SULT6B1: variants seen among roughly 807,000 people sequenced by gnomAD.
The protein encoded by SULT6B1 is sulfotransferase 6B1.
A neutral mutation model predicts 37.2 loss-of-function variants in SULT6B1; 44 were observed. That is an observed-to-expected ratio of 1.18 (90% confidence interval 0.93 to 1.52). The LOEUF is 1.52. SULT6B1 is among the 40% of genes most tolerant of loss of function. The pLI, the probability that SULT6B1 is intolerant of heterozygous loss-of-function variation, is 0.00. For missense variants in SULT6B1, 450 were observed against 361.0 expected, an observed-to-expected ratio of 1.25 and a Z score of -2.00; for synonymous variants, 140 against 126.0, an observed-to-expected ratio of 1.11 and a Z score of -0.74.
intron 4 of SULT6B1, among the ~76,000 whole-genome samples, chr2:37,176,102 T>C (rs114538449): frequency 0.024 from 3,620 of 152,258 alleles, 63 homozygotes; most frequent in Middle Eastern, 0.058. Flanking sequence ...CAGACACTGG[T>C]CAGCTGTGCT....
chr2:37,175,190 C>A lies in SULT6B1; in HGVS notation c.566G>T (p.Trp189Leu). The A allele has an allele frequency of 1.3e-6, 2 of 1,586,198 alleles. No individual in the cohort carries two copies. The highest frequency in any genetic ancestry group is 1.7e-5 in the Admixed American group (1 of 57,368). The stretch of plus-strand genomic sequence containing the variant: ...ATTGTCGCCATCAAGATGTTTGTTC[C>A]AATTGATTGCAAAATCAAAATACCT... ...WGRYFDFAIN[W>L]NKHLDGDNVK... The change falls in exon 5 of 7, where the codon TGG (tryptophan) becomes TTG (leucine). Residue 189 changes from tryptophan (W) to leucine (L), a missense_variant. Trp to Leu is a moderately conservative substitution (Grantham distance 61). Coordinates refer to ENST00000535679, the MANE Select transcript of SULT6B1 (RefSeq NM_001367551.1).
chr2:37,171,728 T>C, intron 5 of SULT6B1, 138 bp from the exon 6 acceptor site: 1 of 684,420 alleles, frequency 1.5e-6, no homozygotes, highest in Non-Finnish European at 2.4e-6. Flanking sequence ...TTAGAGTACT[T>C]TCATCTTCTT....
chr2:37,193,597 A>AAAGAAGAAGAAAAAGAAGAAGAAG (rs1676827698), upstream of SULT6B1, among the ~76,000 whole-genome samples: 1 of 113,796 alleles, frequency 8.8e-6, no homozygotes, highest in African/African-American at 3.5e-5. Context: ...AGAAGAAGAA[A>AAAGAAGAAGAAAAAGAAGAAGAAG]AAGAAGAAGA....
chr2:37,176,558 C>T (rs1172150458), intron 4 of SULT6B1, among the ~76,000 whole-genome samples: 3 of 152,052 alleles, frequency 2.0e-5, no homozygotes, highest in South Asian at 2.1e-4. Context: ...CCCCGCTCGG[C>T]CTCAATAGCC....
chr2:37,188,404 A>G (rs764515884), intron 1 of SULT6B1, 38 bp downstream of exon 1: 14 of 1,563,784 alleles, frequency 9.0e-6, no homozygotes, highest in East Asian at 6.7e-5. Context: ...CCTACTCACT[A>G]TGAGAAGTGT....
At chr2:37,189,213 G>A (rs1181095303), upstream of SULT6B1, among the ~76,000 whole-genome samples, 2 of 152,178 alleles carry the variant, frequency 1.3e-5, no homozygotes, top group East Asian at 3.9e-4. Flanking sequence ...GTGTTACTCT[G>A]AGCTAATGAT....
chr2:37,186,429 T>A (rs1676675257), intron 2 of SULT6B1, among the ~76,000 whole-genome samples: 2 of 152,138 alleles, frequency 1.3e-5, no homozygotes, highest in Non-Finnish European at 2.9e-5. Context: ...GAGTAGAACA[T>A]CCTATCTCAC....
Position 37,183,484 on chromosome 2 carries a change from A to C in SULT6B1, c.343T>G (p.Leu115Val). The C allele has an allele frequency of 6.2e-7, 1 of 1,614,190 alleles. No homozygotes were observed. The highest frequency in any genetic ancestry group is 8.5e-7 in the Non-Finnish European group (1 of 1,180,018). Residue 115 changes from leucine to valine, a missense_variant, in exon 3 of 7, where the codon TTG (leucine) becomes GTG (valine). By Grantham distance (32) the Leu-to-Val change is conservative. Transcript: ENST00000535679. ...RMKGFPSPRI[L>V]ATHLHYDKLP... Reference sequence around the variant, plus strand: ...TTGTCATAGTGGAGGTGAGTTGCCAAAATCCTTGGTGATGGAAAGCCTTTC... The same window carrying C: ...TTGTCATAGTGGAGGTGAGTTGCCACAATCCTTGGTGATGGAAAGCCTTTC...
intron 1 of SULT6B1, 133 bp downstream of exon 1, chr2:37,188,309 G>A: frequency 1.5e-6 from 1 of 685,296 alleles, no homozygotes; most frequent in Non-Finnish European, 2.5e-6. Context: ...CTTAACCACT[G>A]TGGCCCTCCT....
rs769339489 is a variant in SULT6B1, at chr2:37,167,939, C to T, written c.908G>A (p.Gly303Asp). 1.5e-5 allele frequency: 23 copies of T among 1,584,812 alleles called. No homozygotes were observed. Among genetic ancestry groups the T allele is most frequent in the Non-Finnish European group, 2.0e-5 (23 of 1,172,116 alleles). ...GGCCTGCTGAATTGACTGGAATCAA[C>T]CCTGGCAATATGATTCATACTTCAA... ...AKLKYESYCQ[G>D] is the part of the protein sequence containing the mutation. Residue 303 changes from glycine to aspartate, a missense_variant, in exon 7 of 7, where the codon GGT becomes GAT. Gly to Asp is a moderately conservative substitution (Grantham distance 94). Transcript: ENST00000535679.
chr2:37,168,892 C>T (rs55732806), intron 6 of SULT6B1, among the ~76,000 whole-genome samples: 34,661 of 151,772 alleles, frequency 0.23, 4,025 homozygotes, highest in South Asian at 0.34. Context: ...TTGAAATGTA[C>T]GTTAATAAAG....
At chr2:37,189,721 T>G (rs1245700284), upstream of SULT6B1, among the ~76,000 whole-genome samples, 2 of 152,178 alleles carry the variant, frequency 1.3e-5, no homozygotes, top group African/African-American at 4.8e-5. Flanking sequence ...TGCTTCTCCC[T>G]GGAACATTTC....
intron 3 of SULT6B1, among the ~76,000 whole-genome samples, chr2:37,182,312 G>C (rs192905523): frequency 8.0e-4 from 121 of 151,162 alleles, no homozygotes; most frequent in African/African-American, 2.7e-3. Flanking sequence ...GGAGAGCAGT[G>C]GCGAGATTTT....
Position 37,175,182 on chromosome 2 carries a change from G to A in SULT6B1, c.574C>T (p.His192Tyr), listed in dbSNP as rs781162317. 3.1e-6 allele frequency: 5 copies of A among 1,590,576 alleles called. No individual in the cohort carries two copies. The highest frequency in any genetic ancestry group is 4.3e-6 in the Non-Finnish European group (5 of 1,167,406). ...YFDFAINWNK[H>Y]LDGDNVKFIL... ...AACTTAACATTGTCGCCATCAAGAT[G>A]TTTGTTCCAATTGATTGCAAAATCA... is the stretch of plus-strand genomic sequence containing the variant. Residue 192 changes from histidine to tyrosine, a missense_variant, in exon 5 of 7, where the codon CAT (histidine) becomes TAT (tyrosine). Physicochemically the swap from His to Tyr is moderately conservative, Grantham distance 83 (BLOSUM62 2). Transcript: ENST00000535679.
At chr2:37,187,326 C>G in intron 2 of SULT6B1, 29 bp downstream of exon 2, 1 of 1,365,310 alleles carries the variant, frequency 7.3e-7, no homozygotes, top group Non-Finnish European at 1.0e-6. Flanking sequence ...TGATAATTTG[C>G]TGTAAGGTTA....
chr2:37,172,292 A>G (rs1057144165), intron 5 of SULT6B1, among the ~76,000 whole-genome samples: 2 of 152,038 alleles, frequency 1.3e-5, no homozygotes, highest in Admixed American at 1.3e-4. Context: ...AGACCAGTGC[A>G]TAATGTGAAT....
upstream of SULT6B1, among the ~76,000 whole-genome samples, chr2:37,190,572 G>C (rs1676761074): frequency 6.6e-6 from 1 of 152,310 alleles, no homozygotes; most frequent in Admixed American, 6.5e-5. Flanking sequence ...GAGGCCACAG[G>C]GGCTAAGTGG....
chr2:37,187,500 A>T (rs199794790), intron 1 of SULT6B1, 33 bp from the exon 2 acceptor site: 3 of 1,381,364 alleles, frequency 2.2e-6, no homozygotes, highest in African/African-American at 1.4e-5. Context: ...AAAACTCATT[A>T]CGGAGTCTTG....
At chr2:37,185,846 T>C (rs1676662117) in intron 2 of SULT6B1, among the ~76,000 whole-genome samples, 1 of 152,060 alleles carries the variant, frequency 6.6e-6, no homozygotes, top group South Asian at 2.1e-4. Context: ...AGGAGAAGTC[T>C]ATGGGGCTTT....
Sources: gnomAD v4.1 joint callset for allele counts (sites outside exome capture counted in the v4.1 genomes callset) on GRCh38, gnomAD v4.1.1 for gene constraint, MANE v1.5 for transcripts, NCBI Gene and HGNC (gene_info 2026-07-23, HGNC 2026-07-21) for gene names.